Variants in DGKG observed in about 807,000 individuals in gnomAD.
DGKG encodes the protein diacylglycerol kinase gamma.
DGKG carries 78 observed loss-of-function variants against 105.3 expected under a neutral mutation model. The observed-to-expected ratio is 0.74, with a 90% CI of 0.62 to 0.89. The LOEUF is 0.89. Among genes scored for constraint, DGKG ranks in the 40% least tolerant of loss-of-function variants. The pLI is 0.00. For missense variants in DGKG, 958 were observed against 1,020.1 expected (o/e 0.94, Z 0.83); for synonymous variants, 346 against 367.1 (o/e 0.94, Z 0.66).
chr3:186,292,541 C>T (rs889936150), intron 5 of DGKG, among the ~76,000 whole-genome samples: 1 of 152,160 alleles, frequency 6.6e-6, no homozygotes, highest in African/African-American at 2.4e-5. Context: ...TACCTGTAAT[C>T]CCAGCACTTT....
chr3:186,149,876 G>A lies in DGKG; in HGVS notation c.*214C>T. On this transcript the variant is annotated 3_prime_UTR_variant, in exon 25 of 25. Transcript: ENST00000265022. ...TAAGTCCATTCAAAATGTTTTGTTG[G>A]CACTGGCTCTGTTAGGGGTGTACCC... is the stretch of plus-strand genomic sequence containing the variant. 7.5e-7 allele frequency: 1 copy of A among 1,325,296 alleles called. No individual in the cohort carries two copies. The highest frequency in any genetic ancestry group is 1.9e-5 in the South Asian group (1 of 52,922). The allele number at this position is 1,325,296 out of a possible 1,614,324, so 82.1% of individuals were successfully genotyped here.
At chr3:186,297,173 TG>T (rs1187339339) in intron 5 of DGKG, among the ~76,000 whole-genome samples, 1 of 152,056 alleles carries the variant, frequency 6.6e-6, no homozygotes, top group Non-Finnish European at 1.5e-5. Context: ...TCTAGCAAGC[TG>T]TCCCAAGTCC....
chr3:186,160,425 C>G, intron 24 of DGKG: 1 of 985,332 alleles, frequency 1.0e-6, no homozygotes, highest in Non-Finnish European at 1.2e-6. Flanking sequence ...GAAATTCCCT[C>G]TATGCGTCCT....
chr3:186,325,059 C>A (rs1725269651), intron 1 of DGKG, among the ~76,000 whole-genome samples: 1 of 152,180 alleles, frequency 6.6e-6, no homozygotes, highest in Non-Finnish European at 1.5e-5. Flanking sequence ...TCCTTTGCAG[C>A]AACATGGATG....
In DGKG at chr3:186,207,534, A is replaced by G. The variant is rs542876355; in HGVS notation, c.1917+4261T>C. ...TTAGCACCACTGCCAGTTACATAAA[A>G]AAACAAAAACAAAAAGCCCTGAAAA... On this transcript the variant is annotated intron_variant, in intron 21 of 24. Transcript: ENST00000265022. 3.3e-5 allele frequency: 32 copies of G among 979,438 alleles called. No homozygotes were observed. In the African/African-American group the frequency reaches 3.8e-4, roughly 12 times the overall value. 60.7% of individuals were successfully genotyped at this position (979,438 alleles called of 1,614,324 possible). A position where few individuals can be genotyped will look rare whatever the true frequency, so the allele number is the denominator to read the frequency against.
At chr3:186,280,481 C>G (rs952880880) in intron 8 of DGKG, among the ~76,000 whole-genome samples, 189 bp downstream of exon 8, 1 of 152,164 alleles carries the variant, frequency 6.6e-6, no homozygotes, top group Non-Finnish European at 1.5e-5. Context: ...TATGTCTGCA[C>G]GTTTTCCTGC....
intron 23 of DGKG, among the ~76,000 whole-genome samples, chr3:186,163,018 T>A (rs1716374435): frequency 1.3e-5 from 2 of 152,064 alleles, no homozygotes; most frequent in African/African-American, 2.4e-5. Context: ...ATGAATTTTT[T>A]AAAAAGAGAC....
chr3:186,287,356 G>C (rs1443276021), intron 6 of DGKG, among the ~76,000 whole-genome samples: 1 of 152,192 alleles, frequency 6.6e-6, no homozygotes, highest in East Asian at 1.9e-4. Context: ...TTTGCTTCAA[G>C]ATACTCTGAG....
intron 2 of DGKG, among the ~76,000 whole-genome samples, chr3:186,311,976 C>T (rs1268279908): frequency 7.9e-5 from 11 of 140,070 alleles, no homozygotes; most frequent in Admixed American, 4.1e-4. Flanking sequence ...ATTAGCCGGG[C>T]GCGGTGGCGG....
At chr3:186,225,070 CT>C (rs1033963239) in intron 20 of DGKG, among the ~76,000 whole-genome samples, 3 of 150,596 alleles carry the variant, frequency 2.0e-5, no homozygotes, top group African/African-American at 4.9e-5. Context: ...TGAATCATTT[CT>C]TTCTTTTTTT....
Position 186,361,710 on chromosome 3 carries a change from G to T in DGKG, c.-249+236C>A, listed in dbSNP as rs975573664. Among the ~76,000 whole-genome samples the T allele has an allele frequency of 6.6e-6, 1 of 152,228 alleles. No homozygotes were observed. Among genetic ancestry groups the T allele is most frequent in the African/African-American group, 2.4e-5 (1 of 41,468 alleles). Reference sequence around the variant, plus strand: ...TGAGGCTTGAGGGGGCCTCTCAGTCGCAGAGAGAGCCGAGCCCCACCCTGT... The same window carrying T: ...TGAGGCTTGAGGGGGCCTCTCAGTCTCAGAGAGAGCCGAGCCCCACCCTGT... On this transcript the variant is annotated intron_variant, in intron 1 of 24. Transcript: ENST00000265022. This position sits in a 1 kb window ranked among gnomAD's most constrained non-coding sequence, Gnocchi z 6.8.
chr3:186,150,632 T>G (rs1368164259), intron 24 of DGKG, among the ~76,000 whole-genome samples: 1 of 152,198 alleles, frequency 6.6e-6, no homozygotes, highest in East Asian at 1.9e-4. Context: ...GCCAAGGCAG[T>G]GCTGAGATGT....
rs1000072573 is a variant in DGKG, at chr3:186,249,701, A to G, written c.1761+2058T>C. On this transcript the variant is annotated intron_variant, in intron 19 of 24. Coordinates refer to ENST00000265022, the MANE Select transcript of DGKG (RefSeq NM_001346.3). ...TACTAAAAATACAAAAATTAGCTGGATGTGGTATTGCACGCTTGTAACCCC... is the reference window on the plus strand; with the variant it reads ...TACTAAAAATACAAAAATTAGCTGGGTGTGGTATTGCACGCTTGTAACCCC... Among the ~76,000 whole-genome samples the G allele has an allele frequency of 1.3e-4, 20 of 152,160 alleles. No homozygotes were observed. The East Asian group carries it at 2.9e-3, about 22-fold the overall frequency.
chr3:186,251,822 C>T lies in DGKG; in HGVS notation c.1698G>A (p.Glu566=). 1.9e-6 allele frequency: 3 copies of T among 1,613,970 alleles called. No homozygotes were observed. The highest frequency in any genetic ancestry group is 2.5e-6 in the Non-Finnish European group (3 of 1,179,888). ...DRWHLEVIPR[E]EVENGDQVPY... is the part of the protein sequence containing the mutation. ...GGACCTGGTCCCCGTTTTCCACTTC[C>T]TCTCTGGGGATGACTTCCAGATGCC... Residue 566 remains glutamate (E), a synonymous_variant, in exon 19 of 25, where the codon GAG becomes GAA. Transcript: ENST00000265022.
In DGKG at chr3:186,268,931, G is replaced by T; in HGVS notation, c.1000-14C>A. 1 of 1,584,796 alleles carries T rather than the reference G, an allele frequency of 6.3e-7. No individual in the cohort carries two copies. The highest frequency in any genetic ancestry group is 8.7e-7 in the Non-Finnish European group (1 of 1,153,918). On this transcript the variant is annotated splice_polypyrimidine_tract_variant and intron_variant, in intron 11 of 24. Coordinates refer to ENST00000265022, the MANE Select transcript of DGKG (RefSeq NM_001346.3). ...GTGCTGCATCACCTGCGGGAGGGAA[G>T]CGAACGATGCCAGGGAAAATGGCAG...
At chr3:186,164,457 G>T (rs553506359) in intron 23 of DGKG, among the ~76,000 whole-genome samples, 20 of 152,204 alleles carry the variant, frequency 1.3e-4, no homozygotes, top group Non-Finnish European at 2.4e-4. Flanking sequence ...GCATACAAAG[G>T]TGTATAGGAA....
chr3:186,303,004 G>T lies in DGKG; in HGVS notation c.144+3897C>A, dbSNP rs1418151219. Among the ~76,000 whole-genome samples the T allele has an allele frequency of 2.6e-5, 4 of 152,130 alleles. No individual in the cohort carries two copies. The East Asian group carries it at 5.8e-4, about 22-fold the overall frequency. On this transcript the variant is annotated intron_variant, in intron 3 of 24. Coordinates refer to ENST00000265022, the MANE Select transcript of DGKG (RefSeq NM_001346.3). The stretch of plus-strand genomic sequence containing the variant: ...GAAATTCAGTGATGAGCCCCAGCGA[G>T]CTAGCAGCAGAGTGAAACCAGAAGC...
chr3:186,302,756 A>G lies in DGKG; in HGVS notation c.144+4145T>C, dbSNP rs535708121. Among the ~76,000 whole-genome samples, 135 of 152,034 alleles carry G rather than the reference A, an allele frequency of 8.9e-4. 3 individuals are homozygous for G. The Middle Eastern group carries it at 0.051, about 57-fold the overall frequency. On this transcript the variant is annotated intron_variant, in intron 3 of 24. Coordinates refer to ENST00000265022, the MANE Select transcript of DGKG (RefSeq NM_001346.3). ...AGTCAGTGTTATATAAGAGGTAAAG[A>G]TATTGAAATAATTGCAATGTGTGGT...
At chr3:186,202,508 G>A (rs1560092612) in intron 21 of DGKG, among the ~76,000 whole-genome samples, 1 of 152,236 alleles carries the variant, frequency 6.6e-6, no homozygotes, top group African/African-American at 2.4e-5. Context: ...TCTCCCATGT[G>A]TGGTGATGAA....
Sources: gnomAD v4.1 joint callset for allele counts (sites outside exome capture counted in the v4.1 genomes callset) on GRCh38, gnomAD v4.1.1 for gene constraint, Gnocchi (gnomAD v3.1) non-coding constraint, MANE v1.5 for transcripts, NCBI Gene and HGNC (gene_info 2026-07-23, HGNC 2026-07-21) for gene names.